Variants in CDKAL1 observed in about 807,000 individuals in gnomAD.
CDKAL1 encodes threonylcarbamoyladenosine tRNA methylthiotransferase.
In CDKAL1, 32 loss-of-function variants were observed where a neutral mutation model predicts 68.2. The observed-to-expected ratio is 0.47, with a 90% CI of 0.35 to 0.63. The LOEUF (loss-of-function observed/expected upper bound fraction) is 0.63. Ranked by LOEUF, CDKAL1 falls within the 30% of genes least tolerant of loss-of-function variation. CDKAL1 has a pLI of 0.00. For missense variants in CDKAL1, 606 were observed against 696.7 expected, an observed-to-expected ratio of 0.87 and a Z score of 1.47; for synonymous variants, 234 against 244.3, an observed-to-expected ratio of 0.96 and a Z score of 0.39.
chr6:20,810,671 A>G (rs1209435682), intron 8 of CDKAL1, among the ~76,000 whole-genome samples: 1 of 104,158 alleles, frequency 9.6e-6, no homozygotes, highest in African/African-American at 3.4e-5. Flanking sequence ...TGTGTAATAT[A>G]TTGCTAAAAA....
chr6:20,753,667 A>G (rs1022126319), intron 6 of CDKAL1, among the ~76,000 whole-genome samples: 2 of 152,214 alleles, frequency 1.3e-5, no homozygotes, highest in Non-Finnish European at 2.9e-5. Context: ...TTGTATGCAT[A>G]TGCCACATGT....
intron 9 of CDKAL1, among the ~76,000 whole-genome samples, chr6:20,897,175 C>T (rs1248859770): frequency 5.3e-5 from 8 of 152,156 alleles, no homozygotes; most frequent in Admixed American, 5.2e-4. Flanking sequence ...TTTATAAGGA[C>T]ACTAGTCCCA....
intron 9 of CDKAL1, among the ~76,000 whole-genome samples, chr6:20,938,285 A>G (rs1763814959): frequency 6.6e-6 from 1 of 152,144 alleles, no homozygotes; most frequent in East Asian, 1.9e-4. Flanking sequence ...GGCACCAGAA[A>G]GTGTTTTAGG....
chr6:21,128,455 T>C (rs1775128160), intron 13 of CDKAL1, among the ~76,000 whole-genome samples: 1 of 152,246 alleles, frequency 6.6e-6, no homozygotes, highest in Non-Finnish European at 1.5e-5. Context: ...TCAATTTTAC[T>C]ACCTCATTGG....
chr6:20,979,066 A>G (rs1377509174), intron 10 of CDKAL1, among the ~76,000 whole-genome samples: 11 of 152,244 alleles, frequency 7.2e-5, no homozygotes, highest in Non-Finnish European at 1.3e-4. Context: ...ATTCTCCTGT[A>G]TAAAAAGTAA....
At chr6:20,839,987 A>T (rs558664053) in intron 8 of CDKAL1, among the ~76,000 whole-genome samples, 2 of 152,352 alleles carry the variant, frequency 1.3e-5, no homozygotes, top group African/African-American at 4.8e-5. Flanking sequence ...TGAGATAAGC[A>T]TGCAACTAAT....
At chr6:20,793,178 G>A (rs191004713) in intron 8 of CDKAL1, among the ~76,000 whole-genome samples, 26 of 149,752 alleles carry the variant, frequency 1.7e-4, no homozygotes, top group African/African-American at 5.2e-4. Flanking sequence ...TAAAATTAAC[G>A]CCCCTAATTT....
intron 5 of CDKAL1, among the ~76,000 whole-genome samples, chr6:20,713,350 T>C (rs998255680): frequency 1.3e-5 from 2 of 152,198 alleles, no homozygotes; most frequent in African/African-American, 4.8e-5. Context: ...TTATATGTTT[T>C]GTTTCTCTTT....
chr6:20,908,642 T>G (rs1272862380), intron 9 of CDKAL1, among the ~76,000 whole-genome samples: 1 of 152,194 alleles, frequency 6.6e-6, no homozygotes, highest in Non-Finnish European at 1.5e-5. Context: ...TCTTGAGATA[T>G]TACAATGTCT....
At chr6:20,915,087 A>G (rs1029809798) in intron 9 of CDKAL1, among the ~76,000 whole-genome samples, 1 of 152,070 alleles carries the variant, frequency 6.6e-6, no homozygotes, top group African/African-American at 2.4e-5. Context: ...TAGCTATCCA[A>G]TATGTACATA....
chr6:20,867,953 C>T (rs913750292), intron 9 of CDKAL1, among the ~76,000 whole-genome samples: 16 of 152,018 alleles, frequency 1.1e-4, no homozygotes, highest in Non-Finnish European at 2.2e-4. Flanking sequence ...ATATATAGTA[C>T]ATCTATATGG....
chr6:20,737,751 A>C (rs1327715882), intron 5 of CDKAL1, among the ~76,000 whole-genome samples: 2 of 152,264 alleles, frequency 1.3e-5, no homozygotes, highest in African/African-American at 4.8e-5. Flanking sequence ...TACCAAAGTC[A>C]GATTTGTTTT....
intron 8 of CDKAL1, among the ~76,000 whole-genome samples, chr6:20,845,200 T>C (rs1218348071): frequency 6.6e-6 from 1 of 152,194 alleles, no homozygotes; most frequent in Non-Finnish European, 1.5e-5. Context: ...TATGGTCTTT[T>C]TAAAGCCTTG....
At chr6:20,609,850 G>C (rs1766539749) in intron 4 of CDKAL1, among the ~76,000 whole-genome samples, 1 of 151,936 alleles carries the variant, frequency 6.6e-6, no homozygotes, top group Non-Finnish European at 1.5e-5. Flanking sequence ...GTGTCATGAG[G>C]GTTCGTTGTA....
intron 14 of CDKAL1, among the ~76,000 whole-genome samples, chr6:21,199,234 G>C (rs918085530): frequency 1.3e-5 from 2 of 152,190 alleles, no homozygotes; most frequent in Middle Eastern, 6.3e-3. Flanking sequence ...AGGAGCTGAA[G>C]AGGCCCCCAG....
intron 11 of CDKAL1, among the ~76,000 whole-genome samples, chr6:21,030,255 G>A (rs975728513): frequency 2.6e-5 from 4 of 152,054 alleles, no homozygotes; most frequent in African/African-American, 7.2e-5. Flanking sequence ...ACATGTTCTC[G>A]TAAGTGGAAG....
chr6:21,216,920 G>T (rs917388777), intron 15 of CDKAL1, among the ~76,000 whole-genome samples: 1 of 152,160 alleles, frequency 6.6e-6, no homozygotes, highest in Admixed American at 6.5e-5. Flanking sequence ...TGGCCAGAGT[G>T]TACAGCTCCC....
At chr6:20,793,139 C>A (rs1775967029) in intron 8 of CDKAL1, among the ~76,000 whole-genome samples, 1 of 152,160 alleles carries the variant, frequency 6.6e-6, no homozygotes, top group Non-Finnish European at 1.5e-5. Flanking sequence ...ACCCGGGATC[C>A]TTTGAGTGTA....
In CDKAL1 at chr6:21,054,366, T is replaced by C. The variant is rs190403616; in HGVS notation, c.1056-10682T>C. On this transcript the variant is annotated intron_variant, in intron 11 of 15. Coordinates refer to ENST00000274695, the MANE Select transcript of CDKAL1 (RefSeq NM_017774.3). ...TGCGTTGATTATTGGAGCTTTATAG[T>C]TAGTCTTTAAAACAGGTTCATTTAT... Among the ~76,000 whole-genome samples the C allele has an allele frequency of 3.0e-4, 46 of 152,206 alleles. No individual in the cohort carries two copies. The East Asian group carries it at 6.9e-3, about 23-fold the overall frequency.
Sources: gnomAD v4.1 joint callset for allele counts (sites outside exome capture counted in the v4.1 genomes callset) on GRCh38, gnomAD v4.1.1 for gene constraint, MANE v1.5 for transcripts, NCBI Gene and HGNC (gene_info 2026-07-23, HGNC 2026-07-21) for gene names.